The following RMST variants were observed in gnomAD, a reference collection of about 807,000 sequenced individuals.
The protein encoded by RMST is rhabdomyosarcoma 2 associated transcript.
chr12:97,499,388 G>A (rs561508965), intron 10 of RMST, among the ~76,000 whole-genome samples: 1 of 151,952 alleles, frequency 6.6e-6, no homozygotes, highest in African/African-American at 2.4e-5. Context: ...TTTTTAAAAT[G>A]TAACTTGTTT....
chr12:97,479,696 C>T (rs1874996899), intron 5 of RMST, among the ~76,000 whole-genome samples: 1 of 152,122 alleles, frequency 6.6e-6, no homozygotes, highest in Non-Finnish European at 1.5e-5. Flanking sequence ...GACTTCCCTT[C>T]TTCCTCTTCC....
At chr12:97,488,389 A>ACT (rs1876367391) in intron 5 of RMST, among the ~76,000 whole-genome samples, 1 of 151,936 alleles carries the variant, frequency 6.6e-6, no homozygotes, top group African/African-American at 2.4e-5. Flanking sequence ...TTTTCAGTCT[A>ACT]CTCTCTTTGT....
chr12:97,547,575 TA>T (rs1883030881), intron 11 of RMST, among the ~76,000 whole-genome samples: 1 of 152,144 alleles, frequency 6.6e-6, no homozygotes, highest in African/African-American at 2.4e-5. Flanking sequence ...GTCTTTCTGA[TA>T]ATAGCCACTA....
intron 11 of RMST, among the ~76,000 whole-genome samples, chr12:97,540,332 G>A (rs1882405214): frequency 6.6e-6 from 1 of 151,630 alleles, no homozygotes; most frequent in Admixed American, 6.6e-5. Context: ...CCTGGCCCAG[G>A]GGCCATAAGC....
At chr12:97,519,560 C>T (rs1157660059) in intron 10 of RMST, among the ~76,000 whole-genome samples, 3 of 152,158 alleles carry the variant, frequency 2.0e-5, no homozygotes, top group Non-Finnish European at 1.5e-5. Context: ...GTTCCACAAT[C>T]GTATAATTTT....
intron 13 of RMST, chr12:97,563,989 A>G (rs918036003): frequency 2.4e-6 from 1 of 425,040 alleles, no homozygotes; most frequent in African/African-American, 2.1e-5. Flanking sequence ...GATTTAGTGT[A>G]TAGCTCTGCT....
At chr12:97,504,154 G>A (rs905028147) in intron 10 of RMST, among the ~76,000 whole-genome samples, 4 of 152,020 alleles carry the variant, frequency 2.6e-5, no homozygotes, top group Non-Finnish European at 5.9e-5. Context: ...CTGTAACCCC[G>A]GCACTCTGGG....
intron 11 of RMST, among the ~76,000 whole-genome samples, chr12:97,540,263 T>C (rs1882399859): frequency 1.3e-5 from 2 of 151,730 alleles, no homozygotes; most frequent in South Asian, 4.1e-4. Flanking sequence ...GAATAAAAAC[T>C]ATGACCATTA....
intron 5 of RMST, chr12:97,483,317 A>G (rs1875670309): frequency 6.6e-6 from 1 of 152,124 alleles, no homozygotes; most frequent in Non-Finnish European, 1.5e-5. Flanking sequence ...GTAGGGTACG[A>G]TTTTTATTTC....
At chr12:97,492,827 G>T (rs1325817335) in intron 6 of RMST, 1 of 151,960 alleles carries the variant, frequency 6.6e-6, no homozygotes, top group East Asian at 1.9e-4. Flanking sequence ...GATTTTAAAA[G>T]CATGATTGTA....
intron 11 of RMST, among the ~76,000 whole-genome samples, chr12:97,558,113 A>G (rs1296092358): frequency 6.6e-6 from 1 of 151,638 alleles, no homozygotes; most frequent in East Asian, 1.9e-4. Flanking sequence ...CGTTCTTCTT[A>G]CTTAGCTTCT....
intron 11 of RMST, among the ~76,000 whole-genome samples, chr12:97,551,086 A>G (rs1883274157): frequency 6.6e-6 from 1 of 151,586 alleles, no homozygotes; most frequent in South Asian, 2.1e-4. Flanking sequence ...TTTCTACAAC[A>G]CCACAATATG....
rs572219930 is a variant in RMST at position 97,491,436 on chromosome 12, T to C, written n.645-1025T>C. ...CCCATGGATGTTACTAAATCTTAAC[T>C]AAACAAGTCAGAAAAATGTAAATAT... On this transcript the variant is annotated intron_variant and non_coding_transcript_variant, in intron 5 of 13. Transcript: ENST00000640149. Among the ~76,000 whole-genome samples, 74 of 152,314 alleles carry C rather than the reference T, an allele frequency of 4.9e-4. No homozygotes were observed. In the South Asian group the frequency reaches 0.014, roughly 29 times the overall value.
intron 11 of RMST, among the ~76,000 whole-genome samples, chr12:97,535,581 G>A (rs896195708): frequency 5.3e-5 from 8 of 151,628 alleles, no homozygotes; most frequent in African/African-American, 1.7e-4. Context: ...CCTGAAGTCA[G>A]ATAGCTAGTC....
chr12:97,483,235 T>TTC (rs1875649948), intron 5 of RMST, among the ~76,000 whole-genome samples: 1 of 152,066 alleles, frequency 6.6e-6, no homozygotes, highest in Non-Finnish European at 1.5e-5. Context: ...GTGCTTTCGC[T>TTC]TAAGCCCATG....
At chr12:97,479,133 C>CTTTTTTTTTTTTTTTTTTT (rs386377507) in intron 5 of RMST, among the ~76,000 whole-genome samples, 1 of 69,050 alleles carries the variant, frequency 1.4e-5, no homozygotes, top group African/African-American at 6.2e-5. Context: ...CTTGTCTTTG[C>CTTTTTTTTTTTTTTTTTTT]TTTTTTTTTT....
intron 10 of RMST, among the ~76,000 whole-genome samples, chr12:97,508,629 A>G (rs957039039): frequency 6.6e-6 from 1 of 152,176 alleles, no homozygotes; most frequent in Non-Finnish European, 1.5e-5. Context: ...ATCCCCTTAT[A>G]CTGGCATCAG....
chr12:97,486,895 A>G (rs536883255), intron 5 of RMST, among the ~76,000 whole-genome samples: 1 of 152,318 alleles, frequency 6.6e-6, no homozygotes, highest in East Asian at 1.9e-4. Context: ...GCTTGATGTC[A>G]TGCTATACGA....
chr12:97,526,409 T>G (rs1012386450), intron 10 of RMST, among the ~76,000 whole-genome samples: 37 of 152,312 alleles, frequency 2.4e-4, no homozygotes, highest in African/African-American at 8.7e-4. Context: ...CATACTTTAT[T>G]TAACCAGTTA....
Sources: gnomAD v4.1 joint callset for allele counts (sites outside exome capture counted in the v4.1 genomes callset) on GRCh38, gnomAD v4.1.1 for gene constraint, MANE v1.5 for transcripts, NCBI Gene and HGNC (gene_info 2026-07-23, HGNC 2026-07-21) for gene names.